MFSD1: variants seen among roughly 807,000 people sequenced by gnomAD.
The protein encoded by MFSD1 is major facilitator superfamily domain containing 1.
In MFSD1, 59 loss-of-function variants were observed where a neutral mutation model predicts 67.1. That is an observed-to-expected ratio of 0.88 (90% CI 0.71 to 1.09). MFSD1 has a LOEUF of 1.09. MFSD1 is among the 50% of genes least tolerant of loss of function. The probability of loss-of-function intolerance (pLI) is 0.00; values close to 1 mark genes in which losing one functional copy is unlikely to be tolerated. For synonymous variants in MFSD1, 213 were observed against 200.3 expected (o/e 1.06, Z -0.54); for missense variants, 552 against 566.1 (o/e 0.97, Z 0.25).
At chr3:158,823,840 C>T (rs148832014) in intron 12 of MFSD1, among the ~76,000 whole-genome samples, 1 of 152,280 alleles carries the variant, frequency 6.6e-6, no homozygotes, top group African/African-American at 2.4e-5. Flanking sequence ...GGGGAAACCG[C>T]ACCTGTGGTT....
chr3:158,812,287 C>T (rs771324486), intron 6 of MFSD1, among the ~76,000 whole-genome samples: 6 of 152,150 alleles, frequency 3.9e-5, no homozygotes, highest in Admixed American at 3.3e-4. Context: ...GCAAAAAAGA[C>T]GGAATCTATG....
At position 158,821,999 on chromosome 3, in the gene MFSD1, A is replaced by G; in HGVS notation, c.936A>G (p.Ile312Met). The G allele has an allele frequency of 6.2e-7, 1 of 1,613,744 alleles. No homozygotes were observed. Among genetic ancestry groups the G allele is most frequent in the South Asian group, 1.1e-5 (1 of 91,062 alleles). Reference sequence around the variant, plus strand: ...CTCTGGGCAGTGTTGTATATGTCATATCAGCTCCCATGTCCCCGGTGTTTG... The same window carrying G: ...CTCTGGGCAGTGTTGTATATGTCATGTCAGCTCCCATGTCCCCGGTGTTTG... ...ASAINSVVYV[I>M]SAPMSPVFGL... Residue 312 changes from isoleucine to methionine, a missense_variant, in exon 11 of 16, where the codon ATA (isoleucine) becomes ATG (methionine). Ile to Met is a conservative substitution (Grantham distance 10). Coordinates refer to ENST00000415822, the MANE Select transcript of MFSD1 (RefSeq NM_022736.4).
chr3:158,807,526 A>G (rs553272978), intron 5 of MFSD1, 63 bp downstream of exon 5: 2 of 1,352,498 alleles, frequency 1.5e-6, no homozygotes, highest in African/African-American at 2.9e-5. Flanking sequence ...TCTATGAAAG[A>G]TCTTTAAAAA....
intron 2 of MFSD1, among the ~76,000 whole-genome samples, chr3:158,804,851 G>A (rs1247555411): frequency 2.0e-5 from 3 of 152,120 alleles, no homozygotes; most frequent in Non-Finnish European, 1.5e-5. Context: ...AGTTTTTTGG[G>A]TATTTAGTCT....
chr3:158,815,409 A>G (rs1730274406), intron 7 of MFSD1, among the ~76,000 whole-genome samples: 1 of 150,638 alleles, frequency 6.6e-6, no homozygotes, highest in Admixed American at 6.6e-5. Context: ...AGTATCTACA[A>G]CAAGAGCTCA....
chr3:158,821,174 GCAA>G lies in MFSD1; in HGVS notation c.864-422_864-420del, dbSNP rs1294466491. ...TTTCATTGGCAGCTGCTTAAGCAGC[GCAA>G]TGTAAGTGTGTTTGTGTAAGGGTAT... is the stretch of plus-strand genomic sequence containing the variant. On this transcript the variant is annotated intron_variant, in intron 9 of 15. Transcript: ENST00000415822. Among the ~76,000 whole-genome samples the G allele has an allele frequency of 6.5e-3, 996 of 152,200 alleles. 7 individuals carry two copies. The highest frequency in any genetic ancestry group is 0.022 in the African/African-American group (916 of 41,502).
intron 5 of MFSD1, chr3:158,808,945 C>G: frequency 2.5e-6 from 1 of 399,930 alleles, no homozygotes; most frequent in Non-Finnish European, 4.5e-6. Context: ...GTGCGAGTGT[C>G]GGAGTGAAAA....
chr3:158,806,658 A>G (rs1321816783), intron 3 of MFSD1, among the ~76,000 whole-genome samples: 2 of 152,240 alleles, frequency 1.3e-5, no homozygotes, highest in East Asian at 1.9e-4. Flanking sequence ...CTTGGAATCA[A>G]TCCTAAACTC....
Position 158,807,158 on chromosome 3 carries a change from G to T in MFSD1, c.372+76G>T, listed in dbSNP as rs1177951282. The T allele has an allele frequency of 5.8e-6, 8 of 1,382,148 alleles. 1 individual carries two copies. The African/African-American group carries it at 1.0e-4, about 17-fold the overall frequency. 85.6% of individuals were successfully genotyped at this position (1,382,148 alleles called of 1,614,324 possible). On this transcript the variant is annotated intron_variant, in intron 4 of 15. Transcript: ENST00000415822. ...TTATCTAATTAATTCCATTGGCAAA[G>T]CTGTGTTTAATTAATGCCTAGCTTA...
Position 158,828,996 on chromosome 3 carries a change from A to G in MFSD1, c.*14A>G. 3 of 1,604,602 alleles carry G rather than the reference A, an allele frequency of 1.9e-6. No individual in the cohort carries two copies. The highest frequency in any genetic ancestry group is 1.7e-6 in the Non-Finnish European group (2 of 1,175,668). On this transcript the variant is annotated 3_prime_UTR_variant, in exon 16 of 16. Transcript: ENST00000415822. ...TTTTGCAGATGAGAAGTTAAAATGA[A>G]TGTGTCATGAGAATGGGCTTAACAC...
intron 7 of MFSD1, 141 bp from the exon 8 acceptor site, chr3:158,819,508 T>C: frequency 2.1e-6 from 1 of 486,166 alleles, no homozygotes; most frequent in Non-Finnish European, 3.6e-6. Flanking sequence ...GATTTAGTAA[T>C]TGCAGATTTT....
chr3:158,810,530 A>C (rs1047917227), intron 6 of MFSD1, among the ~76,000 whole-genome samples: 5 of 152,138 alleles, frequency 3.3e-5, no homozygotes, highest in Non-Finnish European at 7.4e-5. Context: ...CTGATTTTTC[A>C]CTATTATAAA....
chr3:158,827,934 G>GAC, intron 15 of MFSD1, among the ~76,000 whole-genome samples: 1 of 30,756 alleles, frequency 3.3e-5, no homozygotes, highest in African/African-American at 1.4e-4. Context: ...GAGAGAGAGA[G>GAC]AGAGAGAGGG....
chr3:158,823,683 G>C (rs1730798182), intron 12 of MFSD1, among the ~76,000 whole-genome samples, 158 bp downstream of exon 12: 1 of 152,204 alleles, frequency 6.6e-6, no homozygotes, highest in Non-Finnish European at 1.5e-5. Context: ...TTAAGATACT[G>C]TTGTGGCCAC....
rs757258525 is a variant in MFSD1 at position 158,821,680 on chromosome 3, C to T, written c.920+27C>T. 34 of 1,556,154 alleles carry T rather than the reference C, an allele frequency of 2.2e-5. No individual in the cohort carries two copies. In the South Asian group the frequency reaches 3.9e-4, roughly 18 times the overall value. On this transcript the variant is annotated intron_variant, in intron 10 of 15. Transcript: ENST00000415822. The stretch of plus-strand genomic sequence containing the variant: ...TATTTTAAAATTAATTTTGTAAGTG[C>T]CTATTGCATGTGAAGTATGGGTCTT...
intron 6 of MFSD1, among the ~76,000 whole-genome samples, chr3:158,811,157 A>G (rs566990188): frequency 1.3e-5 from 2 of 152,328 alleles, no homozygotes; most frequent in Non-Finnish European, 2.9e-5. Flanking sequence ...CTAACGGAAA[A>G]TATGTAGAGT....
chr3:158,817,731 C>G (rs962764120), intron 7 of MFSD1, among the ~76,000 whole-genome samples: 6 of 152,164 alleles, frequency 3.9e-5, no homozygotes, highest in South Asian at 2.1e-4. Flanking sequence ...ACTTTCTTCA[C>G]AGAATTGGAA....
At chr3:158,814,294 G>A (rs1730199728) in intron 7 of MFSD1, among the ~76,000 whole-genome samples, 1 of 152,078 alleles carries the variant, frequency 6.6e-6, no homozygotes, top group South Asian at 2.1e-4. Context: ...AAAATGGATA[G>A]CCTTATTCCT....
intron 14 of MFSD1, among the ~76,000 whole-genome samples, chr3:158,826,858 G>T (rs1730994228): frequency 1.3e-5 from 2 of 151,592 alleles, no homozygotes; most frequent in Admixed American, 6.6e-5. Context: ...TCTAGATATG[G>T]GGTCCCCCTA....
Sources: gnomAD v4.1 joint callset for allele counts (sites outside exome capture counted in the v4.1 genomes callset) on GRCh38, gnomAD v4.1.1 for gene constraint, MANE v1.5 for transcripts, NCBI Gene and HGNC (gene_info 2026-07-23, HGNC 2026-07-21) for gene names.